Variants in CAB39L observed in about 807,000 individuals in gnomAD.
The protein encoded by CAB39L is calcium-binding protein 39-like.
Under a neutral mutation model 39.1 loss-of-function variants are expected in CAB39L, and 23 were observed. The ratio of observed to expected loss-of-function variants is 0.59; its 90% confidence interval spans 0.42 to 0.83. The LOEUF is 0.83. Among genes scored for constraint, CAB39L ranks in the 40% least tolerant of loss-of-function variants. The probability of loss-of-function intolerance (pLI) is 0.00; values close to 1 mark genes in which losing one functional copy is unlikely to be tolerated. For synonymous variants in CAB39L, 126 were observed against 137.2 expected (o/e 0.92, Z 0.57); for missense variants, 366 against 391.9 (o/e 0.93, Z 0.56).
At chr13:49,413,372 G>C (rs528689713) in intron 3 of CAB39L, among the ~76,000 whole-genome samples, 1 of 152,062 alleles carries the variant, frequency 6.6e-6, no homozygotes, top group Non-Finnish European at 1.5e-5. Context: ...ATTTCCTGAG[G>C]ATTTGTTAGC....
At chr13:49,371,693 C>T (rs1313976185) in intron 5 of CAB39L, among the ~76,000 whole-genome samples, 2 of 151,974 alleles carry the variant, frequency 1.3e-5, no homozygotes, top group Non-Finnish European at 2.9e-5. Context: ...ACCACCTGGG[C>T]CCAGGTGATT....
At chr13:49,321,068 C>G (rs890146331) in intron 10 of CAB39L, among the ~76,000 whole-genome samples, 2 of 152,124 alleles carry the variant, frequency 1.3e-5, no homozygotes, top group Non-Finnish European at 2.9e-5. Flanking sequence ...ACCATTCTTA[C>G]CATCACTCTG....
At chr13:49,330,104 T>A (rs1239468073) in intron 10 of CAB39L, among the ~76,000 whole-genome samples, 1 of 152,146 alleles carries the variant, frequency 6.6e-6, no homozygotes, top group East Asian at 1.9e-4. Context: ...CCAGCCTGCT[T>A]TCCACCTGGA....
At chr13:49,346,114 T>TATATGCTAG (rs1593956402) in intron 7 of CAB39L, among the ~76,000 whole-genome samples, 4 of 56,018 alleles carry the variant, frequency 7.1e-5, no homozygotes, top group East Asian at 3.6e-4. Flanking sequence ...TATATATATA[T>TATATGCTAG]ATATATATAT....
Position 49,441,226 on chromosome 13 carries a change from T to TATATATATATATATATA in CAB39L, c.-246+2743_-246+2759dup, listed in dbSNP as rs1957516433. Among the ~76,000 whole-genome samples the TATATATATATATATATA allele has an allele frequency of 2.7e-5, 3 of 112,794 alleles. No individual in the cohort carries two copies. In the Admixed American group the frequency reaches 2.7e-4, roughly 10 times the overall value. The allele number at this position is 112,794 out of a possible 152,430, so 74.0% of individuals were successfully genotyped here. Reference sequence around the variant, plus strand: ...TTTTCTTATAATGATTTAGTGTATATATATATATATATATATATTCCCTTT... The same window carrying TATATATATATATATATA: ...TTTTCTTATAATGATTTAGTGTATATATATATATATATATATAATATATATATATATATATTCCCTTT... On this transcript the variant is annotated intron_variant, in intron 1 of 10. Transcript: ENST00000409308.
At chr13:49,317,136 A>G (rs1251279180) in intron 10 of CAB39L, among the ~76,000 whole-genome samples, 2 of 152,072 alleles carry the variant, frequency 1.3e-5, no homozygotes, top group Non-Finnish European at 2.9e-5. Flanking sequence ...AAACTAACAC[A>G]AGTGTACCGC....
At chr13:49,400,443 AACAC>A (rs60080189) in intron 3 of CAB39L, among the ~76,000 whole-genome samples, 5,322 of 138,566 alleles carry the variant, frequency 0.038, 198 homozygotes, top group African/African-American at 0.096. Context: ...TACAAACACA[AACAC>A]ACACACACAC....
intron 6 of CAB39L, among the ~76,000 whole-genome samples, chr13:49,355,633 A>G (rs1337589205): frequency 6.6e-6 from 1 of 152,170 alleles, no homozygotes; most frequent in Non-Finnish European, 1.5e-5. Flanking sequence ...AAGAGATATC[A>G]CCTAGAAGGG....
At chr13:49,329,303 C>G (rs1287865733) in intron 10 of CAB39L, among the ~76,000 whole-genome samples, 1 of 151,894 alleles carries the variant, frequency 6.6e-6, no homozygotes, top group African/African-American at 2.4e-5. Context: ...ATTTTAGAAT[C>G]AGCTTGTCAA....
At chr13:49,391,947 TCA>T (rs60571092) in intron 3 of CAB39L, among the ~76,000 whole-genome samples, 50,858 of 148,836 alleles carry the variant, frequency 0.34, 8,832 homozygotes, top group African/African-American at 0.44. Flanking sequence ...CAAATTGGGT[TCA>T]CACACACACA....
chr13:49,371,167 TTTTTTC>T (rs1438641589), intron 5 of CAB39L, among the ~76,000 whole-genome samples: 2 of 150,758 alleles, frequency 1.3e-5, no homozygotes, highest in South Asian at 2.1e-4. Context: ...AGAGCCATTT[TTTTTTC>T]TTTTTCTTTT....
At position 49,316,428 on chromosome 13, in the gene CAB39L, T is replaced by C. The variant is rs543932167; in HGVS notation, c.835-5435A>G. Among the ~76,000 whole-genome samples, 158 of 152,304 alleles carry C rather than the reference T, an allele frequency of 1.0e-3. 1 individual carries two copies. The highest frequency in any genetic ancestry group is 3.6e-3 in the African/African-American group (149 of 41,566). On this transcript the variant is annotated intron_variant, in intron 10 of 10. Transcript: ENST00000409308. Reference sequence around the variant, plus strand: ...AGAATTAACACAAATCTCTCTCAAATTCTTCTGAAAACTGTAAGAAATGGG... The same window carrying C: ...AGAATTAACACAAATCTCTCTCAAACTCTTCTGAAAACTGTAAGAAATGGG...
intron 8 of CAB39L, among the ~76,000 whole-genome samples, chr13:49,340,257 C>T (rs17072833): frequency 0.011 from 1,684 of 152,264 alleles, 13 homozygotes; most frequent in Middle Eastern, 0.02. Flanking sequence ...CACTGGTGCA[C>T]GAAGTCTTCT....
intron 9 of CAB39L, among the ~76,000 whole-genome samples, chr13:49,337,734 A>G (rs561203239): frequency 0.17 from 644 of 3,822 alleles, no homozygotes; most frequent in African/African-American, 0.38. Context: ...GCTCTGGCGC[A>G]CACACACACA....
At chr13:49,396,664 C>T (rs541294499) in intron 3 of CAB39L, among the ~76,000 whole-genome samples, 2 of 151,672 alleles carry the variant, frequency 1.3e-5, no homozygotes, top group Admixed American at 6.6e-5. Flanking sequence ...GCCAAGATCG[C>T]ACCACTGCAC....
chr13:49,359,961 C>T (rs1399903882), intron 5 of CAB39L, 129 bp from the exon 6 acceptor site: 11 of 564,596 alleles, frequency 1.9e-5, no homozygotes, highest in East Asian at 6.2e-5. Context: ...TGCAAAAAAA[C>T]GTTAACTTAC....
At chr13:49,401,344 A>C (rs949864510) in intron 3 of CAB39L, 2 of 152,218 alleles carry the variant, frequency 1.3e-5, no homozygotes, top group Non-Finnish European at 2.9e-5. Context: ...TTTGAAGAGT[A>C]ACAGTTACCA....
chr13:49,359,361 G>A (rs147196282), intron 6 of CAB39L, among the ~76,000 whole-genome samples: 2 of 152,138 alleles, frequency 1.3e-5, no homozygotes, highest in African/African-American at 2.4e-5. Flanking sequence ...GCTTATGTGC[G>A]TGGTGAGGGC....
intron 10 of CAB39L, among the ~76,000 whole-genome samples, chr13:49,327,558 C>A (rs764313927): frequency 1.3e-5 from 2 of 151,878 alleles, no homozygotes; most frequent in Middle Eastern, 3.4e-3. Flanking sequence ...CCCACCTCCG[C>A]CTCCCAGAGT....
Sources: gnomAD v4.1 joint callset for allele counts (sites outside exome capture counted in the v4.1 genomes callset) on GRCh38, gnomAD v4.1.1 for gene constraint, MANE v1.5 for transcripts, NCBI Gene and HGNC (gene_info 2026-07-23, HGNC 2026-07-21) for gene names.